The following ZEB1 variants were observed in gnomAD, a reference collection of about 807,000 sequenced individuals.
ZEB1 encodes zinc finger E-box-binding homeobox 1.
In ZEB1, 21 loss-of-function variants were observed where a neutral mutation model predicts 84.9. The ratio of observed to expected loss-of-function variants is 0.25; its 90% confidence interval spans 0.18 to 0.36. The LOEUF (loss-of-function observed/expected upper bound fraction) is 0.36. ZEB1 is among the 10% of genes least tolerant of loss of function. The probability of loss-of-function intolerance (pLI) is 1.00; values close to 1 mark genes in which losing one functional copy is unlikely to be tolerated. For missense variants in ZEB1, 1,104 were observed against 1,330.2 expected, an observed-to-expected ratio of 0.83 and a Z score of 2.65; for synonymous variants, 420 against 471.1, an observed-to-expected ratio of 0.89 and a Z score of 1.41.
Position 31,520,097 on chromosome 10 carries a change from G to A in ZEB1, c.794-29G>A. On this transcript the variant is annotated intron_variant, in intron 6 of 8. Transcript: ENST00000424869. This position sits in a 1 kb window ranked among gnomAD's most constrained non-coding sequence, Gnocchi z 5.1. ...AAAAATTTATATGTAATAATTCAGT[G>A]AATATAATTTGTTTGTTTGTTTGTT... The A allele has an allele frequency of 6.2e-7, 1 of 1,610,524 alleles. No homozygotes were observed. The highest frequency in any genetic ancestry group is 8.5e-7 in the Non-Finnish European group (1 of 1,178,882).
intron 1 of ZEB1, among the ~76,000 whole-genome samples, chr10:31,328,701 G>A (rs1052153746): frequency 5.3e-5 from 8 of 152,036 alleles, no homozygotes; most frequent in Non-Finnish European, 1.2e-4. Context: ...GGATTCCTTG[G>A]ATCTTTTTAA....
intron 6 of ZEB1, among the ~76,000 whole-genome samples, chr10:31,515,352 A>G (rs2070880831): frequency 6.6e-6 from 1 of 152,054 alleles, no homozygotes; most frequent in South Asian, 2.1e-4. Context: ...TTCTTTGGAG[A>G]CACTACTTGA....
intron 1 of ZEB1, among the ~76,000 whole-genome samples, chr10:31,407,427 A>C (rs1254489673): frequency 2.6e-5 from 4 of 151,892 alleles, no homozygotes; most frequent in African/African-American, 9.7e-5. Flanking sequence ...ACATGACCTC[A>C]TCATTTTTTA....
At chr10:31,398,258 A>G (rs1426864053) in intron 1 of ZEB1, among the ~76,000 whole-genome samples, 1 of 152,132 alleles carries the variant, frequency 6.6e-6, no homozygotes, top group South Asian at 2.1e-4. Flanking sequence ...AAATTATACT[A>G]TTCATTGGTT....
At chr10:31,425,145 G>A (rs1156447988) in intron 1 of ZEB1, among the ~76,000 whole-genome samples, 2 of 152,010 alleles carry the variant, frequency 1.3e-5, no homozygotes, top group Non-Finnish European at 2.9e-5. Context: ...AAGAAGAGGT[G>A]TGTATTTGGT....
intron 4 of ZEB1, among the ~76,000 whole-genome samples, chr10:31,507,395 T>G (rs2069166949): frequency 6.6e-6 from 1 of 152,156 alleles, no homozygotes; most frequent in Non-Finnish European, 1.5e-5. Context: ...ACTTGGGAAA[T>G]TTTTGGATAT....
At position 31,370,278 on chromosome 10, in the gene ZEB1, C is replaced by T. The variant is rs115880390; in HGVS notation, c.58+50986C>T. Among the ~76,000 whole-genome samples the T allele has an allele frequency of 7.0e-3, 1,068 of 152,130 alleles. 12 individuals carry two copies. Among genetic ancestry groups the T allele is most frequent in the African/African-American group, 0.024 (975 of 41,460 alleles). ...TCCATATGGCAGGCTTACTTTGTTA[C>T]CCAATCCAATGAAAAAGGGTGCCAG... On this transcript the variant is annotated intron_variant, in intron 1 of 8. Transcript: ENST00000424869.
At chr10:31,342,875 T>C (rs1322984426) in intron 1 of ZEB1, among the ~76,000 whole-genome samples, 3 of 152,200 alleles carry the variant, frequency 2.0e-5, no homozygotes, top group African/African-American at 7.2e-5. Flanking sequence ...ATGCCAGCTC[T>C]ACTTAAGGTA....
At chr10:31,519,352 C>A (rs761140703) in intron 6 of ZEB1, among the ~76,000 whole-genome samples, 1 of 152,174 alleles carries the variant, frequency 6.6e-6, no homozygotes, top group Non-Finnish European at 1.5e-5. Context: ...TTTTACCCCA[C>A]AGAGTCTAGG....
intron 1 of ZEB1, among the ~76,000 whole-genome samples, chr10:31,455,617 C>T (rs906537750): frequency 6.6e-6 from 1 of 152,128 alleles, no homozygotes; most frequent in Non-Finnish European, 1.5e-5. Context: ...AGACACTTCT[C>T]AAAAGAAGAC....
intron 1 of ZEB1, 55 bp downstream of exon 1, chr10:31,319,347 G>A: frequency 6.4e-7 from 1 of 1,566,632 alleles, no homozygotes; most frequent in South Asian, 1.2e-5. Context: ...TGGGCAGCCG[G>A]GGCGCCCCCG....
chr10:31,392,307 A>C (rs1186159887), intron 1 of ZEB1, among the ~76,000 whole-genome samples: 3 of 152,206 alleles, frequency 2.0e-5, no homozygotes, highest in African/African-American at 7.2e-5. Context: ...ACTAAAACTC[A>C]AGAAAATAGG....
chr10:31,490,570 A>G (rs1475801394), intron 2 of ZEB1, among the ~76,000 whole-genome samples: 2 of 151,648 alleles, frequency 1.3e-5, no homozygotes, highest in Non-Finnish European at 3.0e-5. Flanking sequence ...GAGACATTCT[A>G]TCTTTCCATT....
At chr10:31,451,358 T>C (rs2060544347) in intron 1 of ZEB1, among the ~76,000 whole-genome samples, 1 of 152,192 alleles carries the variant, frequency 6.6e-6, no homozygotes, top group Non-Finnish European at 1.5e-5. Flanking sequence ...GCTGGTAATT[T>C]ATCTTTTTTC....
rs543758731 is a variant in ZEB1 at position 31,460,081 on chromosome 10, G to A, written c.59-956G>A. ...ATCACCCTGAAAGTAGTTTAAAAGA[G>A]ATATTCTAGTGACCATACCCAATGA... On this transcript the variant is annotated intron_variant, in intron 1 of 8. Transcript: ENST00000424869. Among the ~76,000 whole-genome samples, 17 of 151,966 alleles carry A rather than the reference G, an allele frequency of 1.1e-4. No individual in the cohort carries two copies. The South Asian group carries it at 3.5e-3, about 32-fold the overall frequency.
chr10:31,333,158 G>T (rs1323909673), intron 1 of ZEB1, among the ~76,000 whole-genome samples: 1 of 152,138 alleles, frequency 6.6e-6, no homozygotes, highest in African/African-American at 2.4e-5. Flanking sequence ...TTCTTTGACA[G>T]TATATTAAGC....
At chr10:31,497,782 A>C (rs2067457869) in intron 3 of ZEB1, among the ~76,000 whole-genome samples, 1 of 152,066 alleles carries the variant, frequency 6.6e-6, no homozygotes. Context: ...CTCAGTAATC[A>C]GAGTAAAAAA....
intron 1 of ZEB1, among the ~76,000 whole-genome samples, chr10:31,389,977 T>C (rs572886656): frequency 3.3e-5 from 5 of 152,234 alleles, no homozygotes; most frequent in Middle Eastern, 3.4e-3. Flanking sequence ...ATGAGTGGAA[T>C]TCTCATTTTA....
At chr10:31,485,682 C>CT (rs376759470) in intron 2 of ZEB1, among the ~76,000 whole-genome samples, 14 of 148,402 alleles carry the variant, frequency 9.4e-5, no homozygotes, top group Admixed American at 2.0e-4. Flanking sequence ...AAGTAAGTTT[C>CT]TTTTTTTTTT....
Sources: allele counts gnomAD v4.1 joint callset (sites outside exome capture counted in the v4.1 genomes callset), GRCh38; gene constraint gnomAD v4.1.1; non-coding constraint Gnocchi (gnomAD v3.1); transcripts MANE v1.5; gene names NCBI Gene and HGNC (gene_info 2026-07-23, HGNC 2026-07-21).